Variants in GRIA4 observed in about 807,000 individuals in gnomAD.
The protein encoded by GRIA4 is glutamate ionotropic receptor AMPA type subunit 4.
Under a neutral mutation model 104.0 loss-of-function variants are expected in GRIA4, and 34 were observed. The ratio of observed to expected loss-of-function variants is 0.33; its 90% CI spans 0.25 to 0.44. The LOEUF (loss-of-function observed/expected upper bound fraction) is 0.44, where lower values mean the gene tolerates loss of function less well. Among genes scored for constraint, GRIA4 ranks in the 20% least tolerant of loss-of-function variants. The probability of loss-of-function intolerance (pLI) is 1.00; values close to 1 mark genes in which losing one functional copy is unlikely to be tolerated. For missense variants in GRIA4, 750 were observed against 1,096.5 expected (o/e 0.68, Z 4.46); for synonymous variants, 386 against 381.9 (o/e 1.01, Z -0.13).
At chr11:105,626,842 G>C (rs1017659881) in intron 3 of GRIA4, among the ~76,000 whole-genome samples, 1 of 152,108 alleles carries the variant, frequency 6.6e-6, no homozygotes, top group African/African-American at 2.4e-5. Context: ...GGATGTTCTA[G>C]TCAGATGCAA....
intron 3 of GRIA4, among the ~76,000 whole-genome samples, chr11:105,687,405 C>T (rs554131314): frequency 6.6e-5 from 10 of 152,164 alleles, no homozygotes; most frequent in African/African-American, 2.4e-4. Context: ...TGCAGTTATG[C>T]TATATAGAAG....
intron 3 of GRIA4, among the ~76,000 whole-genome samples, chr11:105,677,491 T>C (rs1209743145): frequency 6.6e-6 from 1 of 151,886 alleles, no homozygotes; most frequent in Admixed American, 6.6e-5. Context: ...GAACTAGGAA[T>C]TTTTTTCAGA....
intron 3 of GRIA4, among the ~76,000 whole-genome samples, chr11:105,631,678 C>G (rs932963837): frequency 1.3e-5 from 2 of 152,128 alleles, no homozygotes; most frequent in Middle Eastern, 3.4e-3. Flanking sequence ...CTTTGCTGTG[C>G]CACACACTTT....
At chr11:105,870,862 A>T (rs185611384) in intron 5 of GRIA4, among the ~76,000 whole-genome samples, 1 of 152,214 alleles carries the variant, frequency 6.6e-6, no homozygotes, top group Admixed American at 6.6e-5. Flanking sequence ...CATAATTCCG[A>T]TGACAACATA....
intron 4 of GRIA4, among the ~76,000 whole-genome samples, chr11:105,825,308 T>A (rs1175432886): frequency 1.3e-5 from 2 of 152,034 alleles, no homozygotes; most frequent in Non-Finnish European, 2.9e-5. Flanking sequence ...ATCACTGGGT[T>A]TCAGCCCAGC....
At chr11:105,765,971 C>G (rs1336009950) in intron 4 of GRIA4, among the ~76,000 whole-genome samples, 2 of 151,946 alleles carry the variant, frequency 1.3e-5, no homozygotes, top group Non-Finnish European at 2.9e-5. Context: ...ATGAAAATAC[C>G]TTTTCAAAAC....
At chr11:105,728,156 C>T (rs1938342444) in intron 3 of GRIA4, among the ~76,000 whole-genome samples, 1 of 152,046 alleles carries the variant, frequency 6.6e-6, no homozygotes, top group Non-Finnish European at 1.5e-5. Flanking sequence ...CACACATAGG[C>T]TCAAAATAAA....
At chr11:105,937,435 C>G (rs1300267416) in intron 14 of GRIA4, among the ~76,000 whole-genome samples, 1 of 152,058 alleles carries the variant, frequency 6.6e-6, no homozygotes, top group Non-Finnish European at 1.5e-5. Context: ...AATAAATAAA[C>G]CTGTTAAAGG....
chr11:105,915,164 C>G lies in GRIA4; in HGVS notation c.1270-3548C>G, dbSNP rs555661874. 2.0e-5 allele frequency among the ~76,000 whole-genome samples: 3 copies of G among 152,266 alleles called. No homozygotes were observed. The East Asian group carries it at 5.8e-4, about 29-fold the overall frequency. On this transcript the variant is annotated intron_variant, in intron 10 of 16. Transcript: ENST00000282499. ...AGACATCGTTCAAGGAAAGCCTAGC[C>G]GTTCTCTCCTTTAAACCTCCCCACC...
At chr11:105,623,108 C>T (rs1565410033) in intron 3 of GRIA4, among the ~76,000 whole-genome samples, 3 of 141,602 alleles carry the variant, frequency 2.1e-5, no homozygotes, top group Non-Finnish European at 4.6e-5. Flanking sequence ...TTTCCTTATC[C>T]AGTCCTCCAG....
chr11:105,791,981 A>G (rs369814299), intron 4 of GRIA4, among the ~76,000 whole-genome samples: 2 of 152,188 alleles, frequency 1.3e-5, no homozygotes, highest in South Asian at 2.1e-4. Context: ...TCTAGTGTTG[A>G]CTCAAATGAA....
intron 4 of GRIA4, among the ~76,000 whole-genome samples, chr11:105,788,014 GTGGATTTAGTCAAGGTT>G (rs1303720376): frequency 2.6e-5 from 4 of 152,244 alleles, no homozygotes; most frequent in Non-Finnish European, 4.4e-5. Context: ...AGAAAGGCAT[GTGGATTTAGTCAAGGTT>G]TGATCAGTAA....
intron 4 of GRIA4, among the ~76,000 whole-genome samples, chr11:105,794,584 C>A (rs1444265904): frequency 7.2e-6 from 1 of 139,730 alleles, no homozygotes; most frequent in East Asian, 2.1e-4. Context: ...CTATATATAT[C>A]TCTCTCATAA....
intron 3 of GRIA4, among the ~76,000 whole-genome samples, chr11:105,666,969 T>G (rs1952184972): frequency 6.6e-6 from 1 of 151,992 alleles, no homozygotes; most frequent in South Asian, 2.1e-4. Context: ...ACTCAGTATC[T>G]TCATTTGTTC....
chr11:105,970,161 A>C (rs1239445315), intron 14 of GRIA4, among the ~76,000 whole-genome samples: 1 of 152,210 alleles, frequency 6.6e-6, no homozygotes, highest in African/African-American at 2.4e-5. Flanking sequence ...TCCAAAAAAC[A>C]ACATAATATT....
intron 14 of GRIA4, among the ~76,000 whole-genome samples, chr11:105,940,009 C>T (rs774780877): frequency 4.8e-4 from 73 of 152,200 alleles, no homozygotes; most frequent in Non-Finnish European, 7.5e-4. Context: ...TGGATTCCTC[C>T]CCTTATGATC....
At chr11:105,824,044 T>C (rs1442849484) in intron 4 of GRIA4, among the ~76,000 whole-genome samples, 1 of 152,082 alleles carries the variant, frequency 6.6e-6, no homozygotes, top group Non-Finnish European at 1.5e-5. Flanking sequence ...TAGCCAAGGA[T>C]AGAGGCCCCA....
chr11:105,968,547 C>T (rs1380497842), intron 14 of GRIA4, among the ~76,000 whole-genome samples: 1 of 152,180 alleles, frequency 6.6e-6, no homozygotes, highest in Non-Finnish European at 1.5e-5. Context: ...GAGGCTTCAC[C>T]TTGAAAGGTA....
chr11:105,809,178 A>C (rs1385382139), intron 4 of GRIA4, among the ~76,000 whole-genome samples: 2 of 152,118 alleles, frequency 1.3e-5, no homozygotes, highest in Non-Finnish European at 2.9e-5. Context: ...AAAAATTTAA[A>C]GTTAACCTAT....
Sources: allele counts gnomAD v4.1 joint callset (sites outside exome capture counted in the v4.1 genomes callset), GRCh38; gene constraint gnomAD v4.1.1; transcripts MANE v1.5; gene names NCBI Gene and HGNC (gene_info 2026-07-23, HGNC 2026-07-21).